DGKH: variants seen among roughly 807,000 people sequenced by gnomAD.
DGKH encodes DAG kinase eta.
In DGKH, 90 loss-of-function variants were observed where a neutral mutation model predicts 159.3. The ratio of observed to expected loss-of-function variants is 0.57; its 90% CI spans 0.48 to 0.67. DGKH has a LOEUF of 0.67. DGKH is among the 30% of genes least tolerant of loss of function. The probability of loss-of-function intolerance (pLI) is 0.00; values close to 1 mark genes in which losing one functional copy is unlikely to be tolerated. For synonymous variants in DGKH, 536 were observed against 553.8 expected, an observed-to-expected ratio of 0.97 and a Z score of 0.45; for missense variants, 1,181 against 1,506.1, an observed-to-expected ratio of 0.78 and a Z score of 3.57.
intron 29 of DGKH, among the ~76,000 whole-genome samples, chr13:42,228,524 A>T (rs1399470852): frequency 6.6e-6 from 1 of 152,090 alleles, no homozygotes; most frequent in Non-Finnish European, 1.5e-5. Flanking sequence ...TTAGCACAAG[A>T]AATGTTGCCT....
intron 3 of DGKH, among the ~76,000 whole-genome samples, chr13:42,143,558 T>C (rs1955631896): frequency 6.6e-6 from 1 of 152,180 alleles, no homozygotes; most frequent in Admixed American, 6.5e-5. Flanking sequence ...AAGCTATTAA[T>C]TATTGCCTCA....
intron 21 of DGKH, among the ~76,000 whole-genome samples, chr13:42,207,025 T>C (rs1258535374): frequency 2.2e-5 from 1 of 44,964 alleles, no homozygotes; most frequent in Non-Finnish European, 4.8e-5. Context: ...CTTTCTTTCT[T>C]TTTCTTTCTT....
At chr13:42,250,883 G>A (rs531405340) in intron 29 of DGKH, among the ~76,000 whole-genome samples, 1 of 151,946 alleles carries the variant, frequency 6.6e-6, no homozygotes, top group Admixed American at 6.5e-5. Context: ...GCTTAATTAT[G>A]ATTTCATGAG....
At chr13:42,248,553 T>C (rs1372067711) in intron 29 of DGKH, among the ~76,000 whole-genome samples, 2 of 147,224 alleles carry the variant, frequency 1.4e-5, no homozygotes, top group African/African-American at 4.9e-5. Context: ...TAAATTATAT[T>C]GTTTAATATT....
In DGKH at chr13:42,209,980, C is replaced by T. The variant is rs527721962; in HGVS notation, c.2850+515C>T. On this transcript the variant is annotated intron_variant, in intron 23 of 29. Transcript: ENST00000337343. ...ATCCCTCCTTCCCTTACCCTTACTC[C>T]TGGCAATCATTGATTTTTTTTTTTT... Among the ~76,000 whole-genome samples the T allele has an allele frequency of 4.8e-5, 7 of 146,492 alleles. No individual in the cohort carries two copies. The East Asian group carries it at 1.4e-3, about 29-fold the overall frequency.
intron 1 of DGKH, among the ~76,000 whole-genome samples, chr13:42,071,378 A>G (rs1433847270): frequency 1.3e-5 from 2 of 152,224 alleles, no homozygotes; most frequent in East Asian, 3.8e-4. Context: ...TAAAGAAGAC[A>G]CTCAAGAAAC....
In DGKH at chr13:42,132,706, A is replaced by G. The variant is rs1045372308; in HGVS notation, c.384+3074A>G. 6.0e-4 allele frequency among the ~76,000 whole-genome samples: 91 copies of G among 152,300 alleles called. No individual in the cohort carries two copies. In the East Asian group the frequency reaches 9.8e-3, roughly 16 times the overall value. ...TACTTGAGGCCAGGAGTTTGAGACCAGCCTGGGGAACATAGATTCCCATCT... is the reference window on the plus strand; with the variant it reads ...TACTTGAGGCCAGGAGTTTGAGACCGGCCTGGGGAACATAGATTCCCATCT... On this transcript the variant is annotated intron_variant, in intron 3 of 29. Transcript: ENST00000337343.
At chr13:42,207,062 C>CTTCTTTCTTTCTTTCTTTCTTTCT (rs760771890) in intron 21 of DGKH, among the ~76,000 whole-genome samples, 4 of 65,378 alleles carry the variant, frequency 6.1e-5, no homozygotes, top group African/African-American at 1.4e-4. Context: ...TCTTTCCTTC[C>CTTCTTTCTTTCTTTCTTTCTTTCT]TTCTTTCTTT....
chr13:42,066,596 T>C (rs1474738051), intron 1 of DGKH: 3 of 152,204 alleles, frequency 2.0e-5, no homozygotes, highest in African/African-American at 7.2e-5. Flanking sequence ...AATCAATACT[T>C]GTATGTAATT....
intron 29 of DGKH, among the ~76,000 whole-genome samples, chr13:42,224,917 T>TAC (rs1264769036): frequency 6.6e-6 from 1 of 151,524 alleles, no homozygotes; most frequent in East Asian, 1.9e-4. Flanking sequence ...TATATATATA[T>TAC]ACATATATTT....
At position 42,206,978 on chromosome 13, in the gene DGKH, T is replaced by C. The variant is rs187459693; in HGVS notation, c.2601+832T>C. ...AATACCTTTTGGTACTTTTACTTTT[T>C]CTTTCTTTCTTTCTTTCTTTCTTTC... On this transcript the variant is annotated intron_variant, in intron 21 of 29. Coordinates refer to ENST00000337343, the MANE Select transcript of DGKH (RefSeq NM_178009.5). Among the ~76,000 whole-genome samples, 39 of 101,046 alleles carry C rather than the reference T, an allele frequency of 3.9e-4. 1 individual carries two copies. The highest frequency in any genetic ancestry group is 1.0e-3 in the South Asian group (3 of 2,880). The allele number at this position is 101,046 out of a possible 152,430, so 66.3% of individuals were successfully genotyped here.
intron 20 of DGKH, among the ~76,000 whole-genome samples, chr13:42,205,546 G>C (rs1188127036): frequency 6.6e-6 from 1 of 152,124 alleles, no homozygotes; most frequent in Non-Finnish European, 1.5e-5. Context: ...ATTTTTGCTT[G>C]ACTTTGGTTC....
intron 8 of DGKH, among the ~76,000 whole-genome samples, chr13:42,165,812 A>G (rs1271558092): frequency 6.6e-6 from 1 of 152,084 alleles, no homozygotes; most frequent in African/African-American, 2.4e-5. Context: ...CTGTAATTTC[A>G]TTGTAGGAAT....
chr13:42,181,199 C>A (rs1008785893), intron 13 of DGKH, among the ~76,000 whole-genome samples: 2 of 146,280 alleles, frequency 1.4e-5, no homozygotes, highest in Non-Finnish European at 3.0e-5. Context: ...ATGGCGTGAA[C>A]CCGGGAGGCG....
At chr13:42,151,214 G>A (rs762699162) in intron 3 of DGKH, among the ~76,000 whole-genome samples, 2 of 152,066 alleles carry the variant, frequency 1.3e-5, no homozygotes, top group Non-Finnish European at 2.9e-5. Flanking sequence ...TGGATTTTTA[G>A]TGTAACCATC....
At chr13:42,160,231 C>G in intron 7 of DGKH, 95 bp downstream of exon 7, 1 of 1,542,036 alleles carries the variant, frequency 6.5e-7, no homozygotes, top group Non-Finnish European at 8.9e-7. Flanking sequence ...GAATTTATGA[C>G]AGAGCTGAAC....
At chr13:42,102,183 C>T (rs1954664382) in intron 1 of DGKH, among the ~76,000 whole-genome samples, 1 of 152,192 alleles carries the variant, frequency 6.6e-6, no homozygotes, top group African/African-American at 2.4e-5. Context: ...TGTTGACTTG[C>T]TCTGTGTCCT....
chr13:42,110,584 A>G (rs577822739), intron 1 of DGKH, among the ~76,000 whole-genome samples: 7 of 22,008 alleles, frequency 3.2e-4, no homozygotes, highest in Admixed American at 1.3e-3. Flanking sequence ...AATTTGAAGG[A>G]TAATCATTCA....
rs532472144 is a variant in DGKH at position 42,056,824 on chromosome 13, CTT to C, written c.192+7862_192+7863del. On this transcript the variant is annotated intron_variant, in intron 1 of 29. Transcript: ENST00000337343. Reference sequence around the variant, plus strand: ...CTCTCTCCTTCTCCTTCCCTTCGCTCTTTTCTCTCTCCCTTAGATTCCTCTTT... The same window carrying C: ...CTCTCTCCTTCTCCTTCCCTTCGCTCTTCTCTCTCCCTTAGATTCCTCTTT... Among the ~76,000 whole-genome samples the C allele has an allele frequency of 6.8e-3, 1,035 of 152,292 alleles. 9 individuals carry two copies. The highest frequency in any genetic ancestry group is 0.011 in the Non-Finnish European group (780 of 68,014).
Sources: gnomAD v4.1 joint callset for allele counts (sites outside exome capture counted in the v4.1 genomes callset) on GRCh38, gnomAD v4.1.1 for gene constraint, MANE v1.5 for transcripts, NCBI Gene and HGNC (gene_info 2026-07-23, HGNC 2026-07-21) for gene names.